The following SPTBN5 variants were observed in gnomAD, a reference collection of about 807,000 sequenced individuals.
The protein encoded by SPTBN5 is spectrin beta, non-erythrocytic 5, also known as spectrin beta chain, non-erythrocytic 5.
In SPTBN5, 513 loss-of-function variants were observed where a neutral mutation model predicts 477.6. The observed-to-expected ratio is 1.07, with a 90% CI of 1.00 to 1.16. The LOEUF is 1.16. Ranked by LOEUF, SPTBN5 falls within the 50% of genes most tolerant of loss-of-function variation. The pLI, the probability that SPTBN5 is intolerant of heterozygous loss-of-function variation, is 0.00. For missense variants in SPTBN5, 5,062 were observed against 4,731.8 expected (o/e 1.07, Z -2.05); for synonymous variants, 2,169 against 2,011.7 (o/e 1.08, Z -2.09).
chr15:41,876,280 C>T lies in SPTBN5; in HGVS notation c.3956G>A (p.Trp1319Ter). 6.4e-7 allele frequency: 1 copy of T among 1,562,146 alleles called. No homozygotes were observed. Among genetic ancestry groups the T allele is most frequent in the East Asian group, 2.3e-5 (1 of 43,372 alleles). ...QLLASLQLQE[W>*]KQDVAELMQW... ...CATCAGCTCTGCCACATCCTGCTTC[C>T]ACTCCTGCCAAGAACCAGGCGAGAG... The change falls in exon 21 of 68, where the codon TGG becomes TAG. Residue 1319 changes from tryptophan to a stop codon, truncating the protein, a stop_gained. Transcript: ENST00000320955. LOFTEE classifies it high-confidence loss of function.
rs771248218 is a variant in SPTBN5, at chr15:41,848,631, G to A, written c.11013-3C>T. The A allele has an allele frequency of 1.2e-6, 2 of 1,613,912 alleles. No homozygotes were observed. The highest frequency in any genetic ancestry group is 1.7e-6 in the Non-Finnish European group (2 of 1,179,824). On this transcript the variant is annotated splice_region_variant and splice_polypyrimidine_tract_variant and intron_variant, in intron 67 of 67. Transcript: ENST00000320955. ...GGGGTTCACCTCAGGGATCAGACCT[G>A]TTGGGAAAACGGAATGAATTTAGTA... is the stretch of plus-strand genomic sequence containing the variant.
rs575529791 is a variant in SPTBN5 at position 41,876,431 on chromosome 15, T to C, written c.3951+117A>G. On this transcript the variant is annotated intron_variant, in intron 20 of 67. Transcript: ENST00000320955. ...GTGTTGCCTGCCTCACAGAAGGTGTTGAGAGGATGAATGACATAGCGCGTG... is the reference window on the plus strand; with the variant it reads ...GTGTTGCCTGCCTCACAGAAGGTGTCGAGAGGATGAATGACATAGCGCGTG... 68 of 1,335,818 alleles carry C rather than the reference T, an allele frequency of 5.1e-5. No homozygotes were observed. In the East Asian group the frequency reaches 1.7e-3, roughly 33 times the overall value. The allele number at this position is 1,335,818 out of a possible 1,614,324, so 82.7% of individuals were successfully genotyped here. A position where few individuals can be genotyped will look rare whatever the true frequency, so the allele number is the denominator to read the frequency against.
chr15:41,853,972 G>A, intron 57 of SPTBN5, 78 bp downstream of exon 57: 1 of 1,484,084 alleles, frequency 6.7e-7, no homozygotes, highest in South Asian at 1.3e-5. Context: ...GCTGGGGTGG[G>A]AGGGCTGAGA....
intron 62 of SPTBN5, 152 bp from the exon 63 acceptor site, chr15:41,852,002 G>C (rs1025441676): frequency 1.1e-6 from 1 of 912,922 alleles, no homozygotes; most frequent in African/African-American, 1.7e-5. Flanking sequence ...ATGAGATCGG[G>C]CATGTTCAGG....
chr15:41,868,198 G>T lies in SPTBN5; in HGVS notation c.6078C>A (p.Ala2026=). The T allele has an allele frequency of 6.3e-7, 1 of 1,581,822 alleles. No individual in the cohort carries two copies. Among genetic ancestry groups the T allele is most frequent in the Non-Finnish European group, 8.6e-7 (1 of 1,164,112 alleles). The change falls in exon 34 of 68, where the codon GCC becomes GCA. Residue 2026 remains alanine (A), a synonymous_variant. Transcript: ENST00000320955. ...PTKEVQEELR[A]LQDQRDQVYQ... is the part of the protein sequence containing the mutation. Reference sequence around the variant, plus strand: ...ACACCTGGTCCCGCTGGTCCTGCAGGGCTCGAAGCTCTTCCTGGACCTGGG... The same window carrying T: ...ACACCTGGTCCCGCTGGTCCTGCAGTGCTCGAAGCTCTTCCTGGACCTGGG...
chr15:41,881,292 G>C, intron 12 of SPTBN5, 58 bp from the exon 13 acceptor site: 2 of 1,453,298 alleles, frequency 1.4e-6, no homozygotes, highest in Non-Finnish European at 1.9e-6. Context: ...AGGGGCTTTG[G>C]CCAGGCCACC....
chr15:41,865,715 G>A (rs1039004643), intron 39 of SPTBN5, 93 bp downstream of exon 39: 8 of 1,184,012 alleles, frequency 6.8e-6, no homozygotes, highest in South Asian at 5.9e-5. Context: ...TGGCGCCCAC[G>A]CCCTGCTCTA....
chr15:41,882,030 A>T lies in SPTBN5; in HGVS notation c.2363T>A (p.Val788Glu), dbSNP rs1050824842. The T allele has an allele frequency of 6.5e-7, 1 of 1,546,956 alleles. No individual in the cohort carries two copies. The highest frequency in any genetic ancestry group is 8.6e-7 in the Non-Finnish European group (1 of 1,157,296). Reference sequence around the variant, plus strand: ...GGCGCGCAGGACGCGCTCCAGCCGCACGTGGCGCCTCAGCAGGGTCTCGGC... The same window carrying T: ...GGCGCGCAGGACGCGCTCCAGCCGCTCGTGGCGCCTCAGCAGGGTCTCGGC... ...AAAETLLRRH[V>E]RLERVLRAFA... Residue 788 changes from valine (V) to glutamate (E), a missense_variant, in exon 12 of 68, where the codon GTG (valine) becomes GAG (glutamate). Coordinates refer to ENST00000320955, the MANE Select transcript of SPTBN5 (RefSeq NM_016642.4).
chr15:41,877,251 C>T lies in SPTBN5; in HGVS notation c.3576G>A (p.Glu1192=), dbSNP rs767845430. 3 of 1,613,882 alleles carry T rather than the reference C, an allele frequency of 1.9e-6. No homozygotes were observed. Among genetic ancestry groups the T allele is most frequent in the African/African-American group, 1.3e-5 (1 of 74,942 alleles). The change falls in exon 18 of 68, where the codon GAG becomes GAA. Residue 1192 remains glutamate, a synonymous_variant. Coordinates refer to ENST00000320955, the MANE Select transcript of SPTBN5 (RefSeq NM_016642.4). ...TLRVLGQQGQ[E]LKVLWEQRQQ... is the part of the protein sequence containing the mutation. ...GCCTCTGCTCCCACAAAACCTTCAG[C>T]TCCTGGCCCTGCTGCCCCAGGACCC...
In SPTBN5 at chr15:41,881,238, T is replaced by C; in HGVS notation, c.2458-4A>G. On this transcript the variant is annotated splice_region_variant and splice_polypyrimidine_tract_variant and intron_variant, in intron 12 of 67. Coordinates refer to ENST00000320955, the MANE Select transcript of SPTBN5 (RefSeq NM_016642.4). ...GAGGGCTCAGGGCAGAGTTCACCTGTGTGACAAAGGGCAGCGCGTCTACAG... is the reference window on the plus strand; with the variant it reads ...GAGGGCTCAGGGCAGAGTTCACCTGCGTGACAAAGGGCAGCGCGTCTACAG... 8 of 1,600,202 alleles carry C rather than the reference T, an allele frequency of 5.0e-6. No homozygotes were observed. Among genetic ancestry groups the C allele is most frequent in the Non-Finnish European group, 6.0e-6 (7 of 1,174,390 alleles).
Position 41,850,932 on chromosome 15 carries a change from T to C in SPTBN5, c.10843A>G (p.Ser3615Gly). ...GCTGCAAACAGGATCTCTGCCCCAC[T>C]GGTCAGCCTGGCACCCACAGTCACA... Reference protein sequence around the residue: ...RKHTFSLRLTSGAEILFAAPS... With the variant: ...RKHTFSLRLTGGAEILFAAPS... Residue 3615 changes from serine (S) to glycine (G), a missense_variant, in exon 66 of 68, where the codon AGT becomes GGT. Transcript: ENST00000320955. 6.3e-7 allele frequency: 1 copy of C among 1,575,562 alleles called. No homozygotes were observed. The highest frequency in any genetic ancestry group is 8.6e-7 in the Non-Finnish European group (1 of 1,169,010).
At chr15:41,849,757 CAGCCCAACAGAGTAAGTCT>C in intron 67 of SPTBN5, 93 bp downstream of exon 67, 1 of 815,468 alleles carries the variant, frequency 1.2e-6, no homozygotes, top group Admixed American at 2.2e-5. Context: ...CATTTCCCTA[CAGCCCAACAGAGTAAGTCT>C]GAGGCCCAGA....
In SPTBN5 at chr15:41,883,456, C is replaced by T; in HGVS notation, c.1551G>A (p.Arg517=). ...TCTGTCCCTGTAGATGCTGAAGGAG[C>T]CTCTGCCAGCGCACGGTAACTTCCT... is the stretch of plus-strand genomic sequence containing the variant. The part of the protein sequence containing the change: ...RQEEVTVRWQ[R]LLQHLQGQRK... Residue 517 remains arginine (R), a synonymous_variant, in exon 8 of 68, where the codon AGG becomes AGA. Coordinates refer to ENST00000320955, the MANE Select transcript of SPTBN5 (RefSeq NM_016642.4). 1.2e-6 allele frequency: 2 copies of T among 1,613,950 alleles called. No individual in the cohort carries two copies. Among genetic ancestry groups the T allele is most frequent in the Middle Eastern group, 3.3e-4 (2 of 6,062 alleles).
intron 53 of SPTBN5, 108 bp from the exon 54 acceptor site, chr15:41,855,853 T>A: frequency 8.5e-7 from 1 of 1,182,930 alleles, no homozygotes; most frequent in Non-Finnish European, 1.2e-6. Flanking sequence ...CTGGGAGCTG[T>A]CACGCTCCCT....
At position 41,872,393 on chromosome 15, in the gene SPTBN5, G is replaced by C. The variant is rs1367893038; in HGVS notation, c.5074C>G (p.Leu1692Val). The change falls in exon 27 of 68, where the codon CTC becomes GTC. Residue 1692 changes from leucine (L) to valine (V), a missense_variant. Leu to Val is a conservative substitution (Grantham distance 32, BLOSUM62 1). Coordinates refer to ENST00000320955, the MANE Select transcript of SPTBN5 (RefSeq NM_016642.4). ...TGCTCAGGGACTTCGGGGCCAGTGA[G>C]GGTTTGGGCCGTCTGGTCAAGCTCC... ...MEELDQTAQT[L>V]TGPEVPEQQR... 4.4e-6 allele frequency: 7 copies of C among 1,606,190 alleles called. No homozygotes were observed. In the East Asian group the frequency reaches 1.3e-4, roughly 31 times the overall value.
intron 62 of SPTBN5, 85 bp downstream of exon 62, chr15:41,852,097 G>C: frequency 1.3e-6 from 2 of 1,483,672 alleles, no homozygotes; most frequent in Non-Finnish European, 1.8e-6. Flanking sequence ...CCAGGGTGTG[G>C]GCCCTCACCC....
chr15:41,881,928 G>T lies in SPTBN5; in HGVS notation c.2457+8C>A, dbSNP rs765440738. ...AGACCAGGCGCCCTTCCCTGTCCCC[G>T]TCCTCACCGTGAATAACGACGCCCG... On this transcript the variant is annotated splice_region_variant and intron_variant, in intron 12 of 67. Transcript: ENST00000320955. 6.5e-7 allele frequency: 1 copy of T among 1,527,032 alleles called. No individual in the cohort carries two copies. Among genetic ancestry groups the T allele is most frequent in the Non-Finnish European group, 8.7e-7 (1 of 1,145,620 alleles). The allele number at this position is 1,527,032 out of a possible 1,614,324, so 94.6% of individuals were successfully genotyped here. A position where few individuals can be genotyped will look rare whatever the true frequency, so the allele number is the denominator to read the frequency against.
At chr15:41,891,524 C>T (rs999535782) in intron 3 of SPTBN5, among the ~76,000 whole-genome samples, 3 of 140,780 alleles carry the variant, frequency 2.1e-5, no homozygotes, top group Admixed American at 7.4e-5. Context: ...AGCGATGTCA[C>T]GCTGGTGGCT....
chr15:41,871,939 C>T (rs1456112348), intron 27 of SPTBN5, 22 bp from the exon 28 acceptor site: 1 of 1,525,378 alleles, frequency 6.6e-7, no homozygotes, highest in Admixed American at 2.1e-5. Flanking sequence ...GTCCGTGGTT[C>T]CCCAGAAGTG....
Sources: allele counts gnomAD v4.1 joint callset (sites outside exome capture counted in the v4.1 genomes callset), GRCh38; gene constraint gnomAD v4.1.1; transcripts MANE v1.5; gene names NCBI Gene and HGNC (gene_info 2026-07-23, HGNC 2026-07-21).